TWIST2: variants seen among roughly 807,000 people sequenced by gnomAD.
TWIST2 encodes twist family bHLH transcription factor 2, also known as twist-related protein 2.
In TWIST2, 1 loss-of-function variant was observed where a neutral mutation model predicts 11.6. That is an observed-to-expected ratio of 0.09 (90% CI 0.03 to 0.41). The LOEUF is 0.41. Ranked by LOEUF, TWIST2 falls within the 10% of genes least tolerant of loss-of-function variation. The pLI, the probability that TWIST2 is intolerant of heterozygous loss-of-function variation, is 0.98. For missense variants in TWIST2, 168 were observed against 226.4 expected (o/e 0.74, Z 1.66); for synonymous variants, 87 against 96.6 (o/e 0.90, Z 0.58).
chr2:238,868,489 A>G (rs961775840), intron 1 of TWIST2, among the ~76,000 whole-genome samples: 1 of 152,088 alleles, frequency 6.6e-6, no homozygotes, highest in Non-Finnish European at 1.5e-5. Flanking sequence ...GGCAGACTCA[A>G]GGGGTATGGC....
chr2:238,902,115 T>C (rs1693274594), intron 1 of TWIST2, among the ~76,000 whole-genome samples: 1 of 152,156 alleles, frequency 6.6e-6, no homozygotes, highest in Non-Finnish European at 1.5e-5. Flanking sequence ...TTCTGACCCC[T>C]GATCCTCACT....
chr2:238,882,373 G>A (rs1356225119), intron 1 of TWIST2, among the ~76,000 whole-genome samples: 12 of 152,186 alleles, frequency 7.9e-5, no homozygotes, highest in African/African-American at 2.2e-4. Flanking sequence ...ATTCAATAGG[G>A]TGGTGGCTGG....
At chr2:238,904,406 AATGTGAGGTGTGTGTG>A (rs1394277125) in intron 1 of TWIST2, among the ~76,000 whole-genome samples, 1 of 42,724 alleles carries the variant, frequency 2.3e-5, no homozygotes, top group African/African-American at 8.8e-5. Flanking sequence ...GTGTGTGTCT[AATGTGAGGTGTGTGTG>A]ATGTGGGGTG....
chr2:238,870,505 C>T (rs1692653499), intron 1 of TWIST2, among the ~76,000 whole-genome samples: 2 of 144,060 alleles, frequency 1.4e-5, no homozygotes, highest in African/African-American at 5.2e-5. Flanking sequence ...CCCACGCACA[C>T]ATCACATACC....
intron 1 of TWIST2, among the ~76,000 whole-genome samples, chr2:238,852,428 G>A (rs1354444298): frequency 6.6e-6 from 1 of 152,140 alleles, no homozygotes; most frequent in Non-Finnish European, 1.5e-5. Flanking sequence ...AGAACTCTCC[G>A]CTAGCAGAGA....
chr2:238,889,709 G>A (rs1297107763), intron 1 of TWIST2, among the ~76,000 whole-genome samples: 1 of 152,222 alleles, frequency 6.6e-6, no homozygotes, highest in Non-Finnish European at 1.5e-5. Flanking sequence ...CATGGAGTAG[G>A]ATTCCACCCC....
intron 1 of TWIST2, among the ~76,000 whole-genome samples, chr2:238,895,004 C>G (rs1485158951): frequency 1.3e-5 from 2 of 152,130 alleles, no homozygotes; most frequent in African/African-American, 4.8e-5. Flanking sequence ...GCTTGTCTCC[C>G]CATATGAACT....
At chr2:238,852,231 A>C (rs1283096744) in intron 1 of TWIST2, among the ~76,000 whole-genome samples, 1 of 152,234 alleles carries the variant, frequency 6.6e-6, no homozygotes, top group Non-Finnish European at 1.5e-5. Context: ...GCTTTAAAAA[A>C]AACAAATATT....
chr2:238,849,173 T>A (rs1692192200), intron 1 of TWIST2, among the ~76,000 whole-genome samples: 1 of 152,080 alleles, frequency 6.6e-6, no homozygotes, highest in Non-Finnish European at 1.5e-5. Flanking sequence ...CCGAGCCGGG[T>A]GTTGCCGGGC....
chr2:238,872,020 G>A (rs968229718), intron 1 of TWIST2, among the ~76,000 whole-genome samples: 1 of 152,180 alleles, frequency 6.6e-6, no homozygotes, highest in Non-Finnish European at 1.5e-5. Flanking sequence ...AGAACTCTAC[G>A]CTTCAAAACG....
At chr2:238,899,820 G>A (rs1374130748) in intron 1 of TWIST2, among the ~76,000 whole-genome samples, 1 of 152,156 alleles carries the variant, frequency 6.6e-6, no homozygotes. Context: ...TTCTGATGCC[G>A]TCAGGACAGG....
At chr2:238,884,117 G>A (rs970346770) in intron 1 of TWIST2, among the ~76,000 whole-genome samples, 1 of 152,224 alleles carries the variant, frequency 6.6e-6, no homozygotes, top group African/African-American at 2.4e-5. Context: ...CACCCCGAGT[G>A]CCTACTCAGC....
At position 238,867,970 on chromosome 2, in the gene TWIST2, T is replaced by A. The variant is rs533186032; in HGVS notation, c.*35+19237T>A. ...GAAGGCATGAGAGGGGCCACCCTCC[T>A]GCATGTAGTGAGGCTCGGGAAACGT... On this transcript the variant is annotated intron_variant, in intron 1 of 1. Transcript: ENST00000612363. This position sits in a 1 kb window ranked among gnomAD's most constrained non-coding sequence, Gnocchi z 4.8. Among the ~76,000 whole-genome samples the A allele has an allele frequency of 1.2e-4, 18 of 152,306 alleles. No homozygotes were observed. The highest frequency in any genetic ancestry group is 9.8e-4 in the Admixed American group (15 of 15,304).
intron 1 of TWIST2, among the ~76,000 whole-genome samples, chr2:238,875,757 G>A (rs1485544778): frequency 6.6e-6 from 1 of 152,134 alleles, no homozygotes; most frequent in African/African-American, 2.4e-5. Flanking sequence ...GAGTCTCTTC[G>A]CATTTCTCCC....
At chr2:238,885,154 T>C (rs529842929) in intron 1 of TWIST2, among the ~76,000 whole-genome samples, 12 of 152,152 alleles carry the variant, frequency 7.9e-5, no homozygotes, top group Non-Finnish European at 1.5e-4. Flanking sequence ...GAGCATGAGG[T>C]GCCCCCTCCC....
intron 1 of TWIST2, among the ~76,000 whole-genome samples, chr2:238,878,327 C>T (rs1015309787): frequency 2.6e-5 from 4 of 152,192 alleles, no homozygotes; most frequent in Non-Finnish European, 4.4e-5. Flanking sequence ...CCACTCTTGC[C>T]TTTTACAGTT....
chr2:238,892,545 A>G (rs1693156993), intron 1 of TWIST2, among the ~76,000 whole-genome samples: 1 of 151,848 alleles, frequency 6.6e-6, no homozygotes, highest in Admixed American at 6.6e-5. Context: ...CAGTGGCGTG[A>G]TCTCGGCTCA....
chr2:238,896,784 C>T (rs1693212845), intron 1 of TWIST2, among the ~76,000 whole-genome samples: 1 of 152,192 alleles, frequency 6.6e-6, no homozygotes. Flanking sequence ...GATTTTAGCT[C>T]TGGCCCATTT....
At chr2:238,885,427 A>G (rs1054746500) in intron 1 of TWIST2, among the ~76,000 whole-genome samples, 1 of 152,230 alleles carries the variant, frequency 6.6e-6, no homozygotes, top group African/African-American at 2.4e-5. Flanking sequence ...ATCAGCCCAG[A>G]AATGTACACT....
Sources: allele counts gnomAD v4.1 joint callset (sites outside exome capture counted in the v4.1 genomes callset), GRCh38; gene constraint gnomAD v4.1.1; non-coding constraint Gnocchi (gnomAD v3.1); transcripts MANE v1.5; gene names NCBI Gene and HGNC (gene_info 2026-07-23, HGNC 2026-07-21).